FRMD3: variants seen among roughly 807,000 people sequenced by gnomAD.
FRMD3 encodes the protein FERM domain containing 3.
A neutral mutation model predicts 70.2 loss-of-function variants in FRMD3; 33 were observed. The ratio of observed to expected loss-of-function variants is 0.47; its 90% CI spans 0.36 to 0.63. The LOEUF (loss-of-function observed/expected upper bound fraction) is 0.63, where lower values mean the gene tolerates loss of function less well. Among genes scored for constraint, FRMD3 ranks in the 20% least tolerant of loss-of-function variants. FRMD3 has a pLI of 0.00. For synonymous variants in FRMD3, 279 were observed against 255.9 expected (o/e 1.09, Z -0.86); for missense variants, 632 against 711.4 (o/e 0.89, Z 1.27).
chr9:83,401,704 A>C (rs1825954876), intron 1 of FRMD3, among the ~76,000 whole-genome samples: 1 of 152,254 alleles, frequency 6.6e-6, no homozygotes, highest in South Asian at 2.1e-4. Flanking sequence ...ACACAGCAGC[A>C]GGAAAGGAAT....
chr9:83,302,748 G>A (rs1266673518), intron 10 of FRMD3, among the ~76,000 whole-genome samples: 1 of 152,008 alleles, frequency 6.6e-6, no homozygotes, highest in Non-Finnish European at 1.5e-5. Flanking sequence ...TCTAACTCCA[G>A]CCAAAATGTT....
intron 1 of FRMD3, among the ~76,000 whole-genome samples, chr9:83,402,898 C>CTTTTTTTT (rs559570925): frequency 1.8e-3 from 155 of 87,268 alleles, no homozygotes; most frequent in Non-Finnish European, 2.0e-3. Flanking sequence ...TTCTTTCTTT[C>CTTTTTTTT]TTTTTTTTTT....
In FRMD3 at chr9:83,505,107, C is replaced by T. The variant is rs115392081; in HGVS notation, c.147+32978G>A. On this transcript the variant is annotated intron_variant, in intron 1 of 13. Coordinates refer to ENST00000304195, the MANE Select transcript of FRMD3 (RefSeq NM_174938.6). ...GCCTGTCATGAGATTTTCTTCCACA[C>T]AGCAGGAAAGTCCCCCTCCTACAAT... Among the ~76,000 whole-genome samples the T allele has an allele frequency of 8.4e-3, 1,286 of 152,286 alleles. 26 individuals are homozygous for T. Among genetic ancestry groups the T allele is most frequent in the African/African-American group, 0.03 (1,236 of 41,566 alleles).
At chr9:83,365,995 G>A (rs760782106) in intron 3 of FRMD3, among the ~76,000 whole-genome samples, 1 of 152,104 alleles carries the variant, frequency 6.6e-6, no homozygotes, top group Non-Finnish European at 1.5e-5. Context: ...CAAAGGTCAG[G>A]TGGGACCAGT....
chr9:83,244,521 A>ATGTTGAATACTATCACCATTATATGT (rs1554674870), downstream of FRMD3: 22 of 211,322 alleles, frequency 1.0e-4, no homozygotes, highest in South Asian at 1.4e-3. Context: ...TCACCATTAT[A>ATGTTGAATACTATCACCATTATATGT]TGTTGACCTC....
chr9:83,541,759 A>G (rs539069694), upstream of FRMD3, among the ~76,000 whole-genome samples: 5 of 152,312 alleles, frequency 3.3e-5, no homozygotes, highest in Admixed American at 3.3e-4. Context: ...AGTAGACTTC[A>G]GAATGGTGTG....
At chr9:83,375,446 TAC>T (rs1386672835) in intron 2 of FRMD3, among the ~76,000 whole-genome samples, 1 of 152,236 alleles carries the variant, frequency 6.6e-6, no homozygotes, top group Admixed American at 6.5e-5. Flanking sequence ...AGGTGATCTC[TAC>T]ACACTTTTCC....
intron 3 of FRMD3, among the ~76,000 whole-genome samples, chr9:83,366,514 A>G (rs977677066): frequency 1.3e-5 from 2 of 152,174 alleles, no homozygotes; most frequent in Non-Finnish European, 2.9e-5. Flanking sequence ...CGGAGGTTGC[A>G]GTGAGCTGAG....
intron 1 of FRMD3, among the ~76,000 whole-genome samples, chr9:83,415,041 A>G (rs1038067670): frequency 1.3e-5 from 2 of 152,240 alleles, no homozygotes; most frequent in African/African-American, 4.8e-5. Flanking sequence ...GGATGGGGGC[A>G]GTACTGGAAC....
rs1460802880 is a variant in FRMD3 at position 83,533,148 on chromosome 9, CAG to C, written c.147+4935_147+4936del. ...CATTCAGTCCCAAGAGGCAGTGCTC[CAG>C]AGATGAAAGAGCTCTGGATTTTGAG... is the stretch of plus-strand genomic sequence containing the variant. On this transcript the variant is annotated intron_variant, in intron 1 of 13. Coordinates refer to ENST00000304195, the MANE Select transcript of FRMD3 (RefSeq NM_174938.6). Among the ~76,000 whole-genome samples, 6 of 152,284 alleles carry C rather than the reference CAG, an allele frequency of 3.9e-5. 1 individual carries two copies. The highest frequency in any genetic ancestry group is 1.4e-4 in the African/African-American group (6 of 41,552).
intron 1 of FRMD3, among the ~76,000 whole-genome samples, chr9:83,510,114 G>C (rs150529010): frequency 6.6e-6 from 1 of 152,290 alleles, no homozygotes; most frequent in African/African-American, 2.4e-5. Context: ...GTGTCCCCCA[G>C]CCCCGCAGAT....
chr9:83,429,165 C>A (rs1379872626), intron 1 of FRMD3, among the ~76,000 whole-genome samples: 1 of 152,216 alleles, frequency 6.6e-6, no homozygotes, highest in Non-Finnish European at 1.5e-5. Flanking sequence ...GTTAATACTT[C>A]TCTTCGTAGT....
At chr9:83,529,963 T>A (rs1829761549) in intron 1 of FRMD3, among the ~76,000 whole-genome samples, 1 of 152,150 alleles carries the variant, frequency 6.6e-6, no homozygotes. Flanking sequence ...CTTAGGATGG[T>A]TATAATCAAA....
At chr9:83,260,549 G>A (rs931388922) in intron 13 of FRMD3, among the ~76,000 whole-genome samples, 2 of 152,120 alleles carry the variant, frequency 1.3e-5, no homozygotes, top group African/African-American at 4.8e-5. Flanking sequence ...CATAGTGTCA[G>A]TATGGCAGTA....
chr9:83,525,205 G>C (rs1044240937), intron 1 of FRMD3, among the ~76,000 whole-genome samples: 9 of 152,142 alleles, frequency 5.9e-5, no homozygotes, highest in African/African-American at 2.2e-4. Context: ...TTATACTTCT[G>C]AGGTGAGAGA....
intron 1 of FRMD3, among the ~76,000 whole-genome samples, chr9:83,442,647 G>C (rs867633497): frequency 6.6e-5 from 10 of 151,996 alleles, no homozygotes; most frequent in South Asian, 2.1e-4. Flanking sequence ...CTCAGTGGAG[G>C]GGGGGTACAT....
At chr9:83,421,349 T>G (rs556770428) in intron 1 of FRMD3, among the ~76,000 whole-genome samples, 1 of 152,240 alleles carries the variant, frequency 6.6e-6, no homozygotes, top group Non-Finnish European at 1.5e-5. Context: ...CTGCACTCTA[T>G]TCACATTTTT....
chr9:83,318,296 T>G (rs1009362121), intron 6 of FRMD3, among the ~76,000 whole-genome samples: 1 of 152,170 alleles, frequency 6.6e-6, no homozygotes, highest in Non-Finnish European at 1.5e-5. Context: ...CTCCTCTATA[T>G]GCCCATGCGT....
chr9:83,370,038 C>T (rs1824919923), intron 3 of FRMD3, among the ~76,000 whole-genome samples: 1 of 152,148 alleles, frequency 6.6e-6, no homozygotes, highest in African/African-American at 2.4e-5. Flanking sequence ...TTCCTGGGAA[C>T]ATCCATAGTC....
Sources: allele counts gnomAD v4.1 joint callset (sites outside exome capture counted in the v4.1 genomes callset), GRCh38; gene constraint gnomAD v4.1.1; transcripts MANE v1.5; gene names NCBI Gene and HGNC (gene_info 2026-07-23, HGNC 2026-07-21).